SEMA5A: variants seen among roughly 807,000 people sequenced by gnomAD.
SEMA5A encodes semaphorin-5A.
SEMA5A carries 55 observed loss-of-function variants against 135.5 expected under a neutral mutation model. The ratio of observed to expected loss-of-function variants is 0.41; its 90% CI spans 0.33 to 0.51. The LOEUF (loss-of-function observed/expected upper bound fraction) is 0.51, where lower values mean the gene tolerates loss of function less well. Ranked by LOEUF, SEMA5A falls within the 20% of genes least tolerant of loss-of-function variation. The pLI is 0.37. For missense variants in SEMA5A, 1,290 were observed against 1,419.9 expected, an observed-to-expected ratio of 0.91 and a Z score of 1.47; for synonymous variants, 580 against 546.5, an observed-to-expected ratio of 1.06 and a Z score of -0.85.
chr5:9,173,279 G>GTTTTT (rs35531350), intron 11 of SEMA5A, among the ~76,000 whole-genome samples: 1 of 121,816 alleles, frequency 8.2e-6, no homozygotes, highest in Non-Finnish European at 1.7e-5. Flanking sequence ...TCTTCACCCG[G>GTTTTT]TTTTTTTTTT....
chr5:9,318,898 G>A (rs1400964452), intron 4 of SEMA5A, among the ~76,000 whole-genome samples: 3 of 152,134 alleles, frequency 2.0e-5, no homozygotes, highest in Non-Finnish European at 2.9e-5. Context: ...CGTAATAAAC[G>A]TTTAGAAATA....
At chr5:9,363,152 T>A (rs1188187920) in intron 3 of SEMA5A, 3 of 152,212 alleles carry the variant, frequency 2.0e-5, no homozygotes, top group Non-Finnish European at 4.4e-5. Flanking sequence ...TGTGGTTATG[T>A]GGCCAGAGGA....
chr5:9,229,605 C>A (rs1252038889), intron 6 of SEMA5A, among the ~76,000 whole-genome samples: 1 of 151,988 alleles, frequency 6.6e-6, no homozygotes, highest in Non-Finnish European at 1.5e-5. Context: ...ATTAATGACA[C>A]CATCATAAGG....
chr5:9,345,744 A>T (rs1753836168), intron 3 of SEMA5A, among the ~76,000 whole-genome samples: 1 of 152,210 alleles, frequency 6.6e-6, no homozygotes, highest in Non-Finnish European at 1.5e-5. Context: ...GAAGTAGATT[A>T]AGCTTTCCAA....
At chr5:9,114,954 G>A (rs988185271) in intron 15 of SEMA5A, among the ~76,000 whole-genome samples, 2 of 152,166 alleles carry the variant, frequency 1.3e-5, no homozygotes, top group Non-Finnish European at 2.9e-5. Context: ...TAGAGCAAGT[G>A]TGTGCCTCAC....
At chr5:9,289,047 CA>C (rs1281870802) in intron 5 of SEMA5A, among the ~76,000 whole-genome samples, 1 of 152,216 alleles carries the variant, frequency 6.6e-6, no homozygotes, top group Non-Finnish European at 1.5e-5. Context: ...GCTCACGAAA[CA>C]TGTTGAATAG....
chr5:9,390,101 A>G (rs1165856295), intron 2 of SEMA5A, among the ~76,000 whole-genome samples: 2 of 152,240 alleles, frequency 1.3e-5, no homozygotes, highest in Non-Finnish European at 2.9e-5. Context: ...TGACTCTGCC[A>G]TTCGTTGTCA....
chr5:9,539,262 T>G (rs1431148133), intron 1 of SEMA5A, among the ~76,000 whole-genome samples: 3 of 152,238 alleles, frequency 2.0e-5, no homozygotes, highest in Non-Finnish European at 4.4e-5. Context: ...GTTTTGAGGT[T>G]CATACATATT....
chr5:9,406,605 A>C (rs967088062), intron 2 of SEMA5A, among the ~76,000 whole-genome samples: 2 of 152,256 alleles, frequency 1.3e-5, no homozygotes, highest in African/African-American at 2.4e-5. Flanking sequence ...TATGGATGGC[A>C]CTGGACATTT....
intron 22 of SEMA5A, 116 bp downstream of exon 22, chr5:9,044,257 T>G (rs927334109): frequency 1.2e-6 from 1 of 862,872 alleles, no homozygotes. Context: ...TATTCTCACA[T>G]AGGGAGAAAA....
In SEMA5A at chr5:9,062,868, G is replaced by T. The variant is rs374068125; in HGVS notation, c.2518+19C>A. ...CCCTTGAGTTTTCAGATGTTTTGTA[G>T]ACTACACAATCCACTTACCTGGGCA... On this transcript the variant is annotated intron_variant, in intron 18 of 22. Coordinates refer to ENST00000382496, the MANE Select transcript of SEMA5A (RefSeq NM_003966.3). 6 of 1,613,148 alleles carry T rather than the reference G, an allele frequency of 3.7e-6. No individual in the cohort carries two copies. The East Asian group carries it at 1.1e-4, about 30-fold the overall frequency.
chr5:9,177,895 AT>A (rs1257172906), intron 11 of SEMA5A, among the ~76,000 whole-genome samples: 1 of 152,218 alleles, frequency 6.6e-6, no homozygotes, highest in African/African-American at 2.4e-5. Context: ...CGAAGACTTA[AT>A]TTTTACATAT....
chr5:9,263,437 G>T (rs1323800842), intron 5 of SEMA5A, among the ~76,000 whole-genome samples: 3 of 152,150 alleles, frequency 2.0e-5, no homozygotes, highest in African/African-American at 7.2e-5. Flanking sequence ...AGGGATCTAG[G>T]TTATCTACTC....
At position 9,381,981 on chromosome 5, in the gene SEMA5A, T is replaced by TGTGTGTGTGTGTGC. The variant is rs1411451751; in HGVS notation, c.-77-1959_-77-1958insGCACACACACACAC. On this transcript the variant is annotated intron_variant, in intron 2 of 22. Coordinates refer to ENST00000382496, the MANE Select transcript of SEMA5A (RefSeq NM_003966.3). Reference sequence around the variant, plus strand: ...GTGTGTGTGTGTGTGTGTGTGTGTGTGCGCGCGCGCGCACATCAAGTTTCA... The same window carrying TGTGTGTGTGTGTGC: ...GTGTGTGTGTGTGTGTGTGTGTGTGTGTGTGTGTGTGTGCGCGCGCGCGCGCACATCAAGTTTCA... 2.0e-3 allele frequency among the ~76,000 whole-genome samples: 204 copies of TGTGTGTGTGTGTGC among 99,920 alleles called. 2 individuals carry two copies. The highest frequency in any genetic ancestry group is 2.6e-3 in the Non-Finnish European group (120 of 46,678). The allele number at this position is 99,920 out of a possible 152,430, so 65.6% of individuals were successfully genotyped here.
intron 1 of SEMA5A, among the ~76,000 whole-genome samples, chr5:9,514,925 T>A (rs1337405252): frequency 6.6e-6 from 1 of 152,192 alleles, no homozygotes; most frequent in Non-Finnish European, 1.5e-5. Flanking sequence ...GGATAAAAAA[T>A]TGTGGGGTGG....
chr5:9,136,374 C>A (rs189561645), intron 13 of SEMA5A, 130 bp downstream of exon 13: 25 of 699,060 alleles, frequency 3.6e-5, no homozygotes, highest in Admixed American at 2.5e-4. Context: ...TGAGAGAGCA[C>A]AGACTGGGTT....
intron 11 of SEMA5A, among the ~76,000 whole-genome samples, chr5:9,156,693 C>T (rs1676006113): frequency 6.6e-6 from 1 of 152,196 alleles, no homozygotes. Context: ...ACCAGCGTCA[C>T]ACTAGTTGTT....
At chr5:9,138,448 C>T (rs894559461) in intron 12 of SEMA5A, among the ~76,000 whole-genome samples, 9 of 152,124 alleles carry the variant, frequency 5.9e-5, no homozygotes, top group South Asian at 2.1e-4. Context: ...CACGCGGTTT[C>T]GCATTTTGCT....
chr5:9,049,845 T>C (rs1387803079), intron 21 of SEMA5A, among the ~76,000 whole-genome samples: 1 of 152,214 alleles, frequency 6.6e-6, no homozygotes, highest in African/African-American at 2.4e-5. Flanking sequence ...GATAATGTTG[T>C]CTTTGACATT....
Sources: allele counts gnomAD v4.1 joint callset (sites outside exome capture counted in the v4.1 genomes callset), GRCh38; gene constraint gnomAD v4.1.1; transcripts MANE v1.5; gene names NCBI Gene and HGNC (gene_info 2026-07-23, HGNC 2026-07-21).